ZNF44: variants seen among roughly 807,000 people sequenced by gnomAD.
The protein encoded by ZNF44 is zinc finger protein 44.
In ZNF44, 9 loss-of-function variants were observed where a neutral mutation model predicts 11.7. The ratio of observed to expected loss-of-function variants is 0.77; its 90% CI spans 0.46 to 1.35. The LOEUF (loss-of-function observed/expected upper bound fraction) is 1.35. ZNF44 is among the 40% of genes most tolerant of loss of function. The pLI is 0.00. For synonymous variants in ZNF44, 224 were observed against 242.7 expected (o/e 0.92, Z 0.72); for missense variants, 696 against 743.1 (o/e 0.94, Z 0.74).
rs776265777 is a variant in ZNF44 at position 12,273,133 on chromosome 19, TAAC to T, written c.1119_1121del (p.Leu374del). The T allele has an allele frequency of 6.2e-7, 1 of 1,613,734 alleles. No individual in the cohort carries two copies. Among genetic ancestry groups the T allele is most frequent in the Non-Finnish European group, 8.5e-7 (1 of 1,179,736 alleles). ...GTCTTCGAAAGCTTGAGCGATGAGA[TAAC>T]AATTTCCCACATTGCTTACATTCAT... On this transcript the variant is annotated inframe_deletion, in exon 4 of 4. Coordinates refer to ENST00000355684, the MANE Select transcript of ZNF44 (RefSeq NM_016264.4).
chr19:12,257,784 G>A (rs1419907604), intron 5 of ZNF44, among the ~76,000 whole-genome samples: 2 of 128,792 alleles, frequency 1.6e-5, no homozygotes, highest in African/African-American at 6.1e-5. Flanking sequence ...CCCGGCAACA[G>A]CAAAACTCTG....
At chr19:12,227,012 G>A (rs936735632) in intron 3 of ZNF44, among the ~76,000 whole-genome samples, 2 of 151,942 alleles carry the variant, frequency 1.3e-5, no homozygotes, top group Middle Eastern at 3.2e-3. Flanking sequence ...GCAGTGAGCC[G>A]AGATCATGCC....
At chr19:12,281,895 C>T (rs1230508089) in intron 1 of ZNF44, among the ~76,000 whole-genome samples, 2 of 152,092 alleles carry the variant, frequency 1.3e-5, no homozygotes, top group East Asian at 3.9e-4. Context: ...AATAAATGTC[C>T]CAGAAAAAAT....
At chr19:12,284,903 G>C in intron 1 of ZNF44, 1 of 722,542 alleles carries the variant, frequency 1.4e-6, no homozygotes. Flanking sequence ...CCGCACCCAG[G>C]GACACTGGCA....
chr19:12,266,203 C>A, intron 5 of ZNF44: 1 of 972,026 alleles, frequency 1.0e-6, no homozygotes, highest in Non-Finnish European at 1.2e-6. Context: ...GCAGGGAGGC[C>A]CGGGTCCCGC....
intron 2 of ZNF44, 69 bp from the exon 3 acceptor site, chr19:12,275,102 T>C (rs549200510): frequency 2.2e-5 from 26 of 1,168,302 alleles, no homozygotes; most frequent in Admixed American, 2.0e-4. Flanking sequence ...TAAGATTTTA[T>C]GTACACTACA....
downstream of ZNF44, among the ~76,000 whole-genome samples, chr19:12,270,857 T>C (rs1325883173): frequency 6.6e-6 from 1 of 152,164 alleles, no homozygotes; most frequent in Non-Finnish European, 1.5e-5. Context: ...CTGTGCTTAC[T>C]GCAGAGGCTG....
At chr19:12,269,137 G>A (rs1450082710), downstream of ZNF44, among the ~76,000 whole-genome samples, 1 of 137,776 alleles carries the variant, frequency 7.3e-6, no homozygotes, top group East Asian at 2.0e-4. Flanking sequence ...TGGATACACT[G>A]ACTGTCTGCC....
chr19:12,243,226 G>A (rs1463616637), downstream of ZNF44, among the ~76,000 whole-genome samples: 1 of 151,922 alleles, frequency 6.6e-6, no homozygotes, highest in Non-Finnish European at 1.5e-5. Context: ...TATACATTCT[G>A]TAATGGTTAC....
At chr19:12,264,734 C>CA (rs2145709982) in intron 5 of ZNF44, among the ~76,000 whole-genome samples, 1 of 152,210 alleles carries the variant, frequency 6.6e-6, no homozygotes, top group East Asian at 1.9e-4. Context: ...CTCACTCTGT[C>CA]ACCCAGGTTG....
exon 8 of ZNF44, chr19:12,248,255 T>C (rs746500983): frequency 1.5e-6 from 2 of 1,298,552 alleles, no homozygotes; most frequent in African/African-American, 3.0e-5. Context: ...GGTATCGGAA[T>C]GCTTTTCCAC....
intron 5 of ZNF44, among the ~76,000 whole-genome samples, chr19:12,263,696 C>T (rs8111396): frequency 0.43 from 64,437 of 151,360 alleles, 16,238 homozygotes; most frequent in African/African-American, 0.72. Context: ...GAGGCCGAGG[C>T]GGGCGGATCA....
chr19:12,239,413 C>CTTT (rs34726133), upstream of ZNF44, among the ~76,000 whole-genome samples: 7 of 113,894 alleles, frequency 6.1e-5, no homozygotes, highest in African/African-American at 1.1e-4. Flanking sequence ...TGCACCTGGC[C>CTTT]TTTTTTTTTT....
chr19:12,248,429 C>T (rs1394175272), exon 8 of ZNF44: 4 of 1,291,042 alleles, frequency 3.1e-6, no homozygotes, highest in Non-Finnish European at 3.0e-6. Context: ...TGAAGGGTTT[C>T]CCACATTTCT....
intron 5 of ZNF44, among the ~76,000 whole-genome samples, chr19:12,255,545 G>A (rs1437388508): frequency 6.6e-6 from 1 of 152,166 alleles, no homozygotes; most frequent in East Asian, 1.9e-4. Flanking sequence ...ACATCTACAA[G>A]AAACTTACAG....
At chr19:12,226,969 C>A (rs1915945484) in intron 3 of ZNF44, among the ~76,000 whole-genome samples, 1 of 151,558 alleles carries the variant, frequency 6.6e-6, no homozygotes. Flanking sequence ...GGGAAGCTGA[C>A]ACAGGAGAAT....
At chr19:12,234,695 C>A in exon 2 of ZNF44, 1 of 152,314 alleles carries the variant, frequency 6.6e-6, no homozygotes, top group Non-Finnish European at 1.5e-5. Flanking sequence ...GATGGCTTCC[C>A]TCATCACATC....
chr19:12,268,529 C>A (rs1917825654), downstream of ZNF44, among the ~76,000 whole-genome samples: 1 of 152,144 alleles, frequency 6.6e-6, no homozygotes, highest in Admixed American at 6.5e-5. Flanking sequence ...GATTGCCTTG[C>A]AGGTCCAGAA....
chr19:12,266,934 G>C (rs1027769568), downstream of ZNF44, among the ~76,000 whole-genome samples: 1 of 152,208 alleles, frequency 6.6e-6, no homozygotes, highest in East Asian at 1.9e-4. Flanking sequence ...GAACATGGGA[G>C]AGGGCTTGAT....
Sources: allele counts gnomAD v4.1 joint callset (sites outside exome capture counted in the v4.1 genomes callset), GRCh38; gene constraint gnomAD v4.1.1; transcripts MANE v1.5; gene names NCBI Gene and HGNC (gene_info 2026-07-23, HGNC 2026-07-21).